THRB: variants seen among roughly 807,000 people sequenced by gnomAD.
The protein encoded by THRB is thyroid hormone receptor beta.
Under a neutral mutation model 47.8 loss-of-function variants are expected in THRB, and 12 were observed. That is an observed-to-expected ratio of 0.25 (90% CI 0.16 to 0.41). The LOEUF (loss-of-function observed/expected upper bound fraction) is 0.41. Ranked by LOEUF, THRB falls within the 10% of genes least tolerant of loss-of-function variation. The pLI is 1.00. For synonymous variants in THRB, 218 were observed against 212.2 expected, an observed-to-expected ratio of 1.03 and a Z score of -0.24; for missense variants, 348 against 589.2, an observed-to-expected ratio of 0.59 and a Z score of 4.24.
chr3:24,237,661 A>G (rs1378358095), intron 3 of THRB, among the ~76,000 whole-genome samples: 1 of 152,100 alleles, frequency 6.6e-6, no homozygotes, highest in Non-Finnish European at 1.5e-5. Context: ...CCATTCCTAA[A>G]ATGGGAATAA....
At chr3:24,434,617 T>C (rs894041293) in intron 1 of THRB, among the ~76,000 whole-genome samples, 10 of 152,214 alleles carry the variant, frequency 6.6e-5, no homozygotes, top group African/African-American at 1.9e-4. Context: ...GATGTTGTGA[T>C]AGAGACTCAG....
chr3:24,452,421 A>T (rs1048234516), intron 1 of THRB, among the ~76,000 whole-genome samples: 1 of 151,984 alleles, frequency 6.6e-6, no homozygotes, highest in African/African-American at 2.4e-5. Flanking sequence ...GGGTAGATTT[A>T]AGCAGGCTGG....
intron 3 of THRB, among the ~76,000 whole-genome samples, chr3:24,276,815 G>C (rs2053964663): frequency 6.6e-6 from 1 of 152,250 alleles, no homozygotes; most frequent in African/African-American, 2.4e-5. Flanking sequence ...AGTCGTATGT[G>C]CTCAGGGAAG....
At chr3:24,326,074 T>C (rs916685005) in intron 2 of THRB, among the ~76,000 whole-genome samples, 9 of 152,180 alleles carry the variant, frequency 5.9e-5, no homozygotes, top group Non-Finnish European at 8.8e-5. Flanking sequence ...CAATCCACCA[T>C]CATCTTTTGC....
intron 1 of THRB, among the ~76,000 whole-genome samples, chr3:24,358,500 T>C (rs1215774631): frequency 2.6e-5 from 4 of 152,304 alleles, no homozygotes; most frequent in South Asian, 2.1e-4. Context: ...AAATAGCCCA[T>C]TGACCCAACA....
At chr3:24,443,084 A>T (rs1180100500) in intron 1 of THRB, among the ~76,000 whole-genome samples, 1 of 151,952 alleles carries the variant, frequency 6.6e-6, no homozygotes, top group Admixed American at 6.6e-5. Flanking sequence ...TGGGAGGCTG[A>T]GGCAGGAGAA....
intron 4 of THRB, among the ~76,000 whole-genome samples, chr3:24,224,237 A>G (rs1026249056): frequency 2.3e-4 from 35 of 152,298 alleles, no homozygotes; most frequent in South Asian, 1.2e-3. Flanking sequence ...TATATTCATC[A>G]TGTCAATATG....
chr3:24,308,770 T>A (rs536051614), intron 2 of THRB, among the ~76,000 whole-genome samples: 1 of 152,328 alleles, frequency 6.6e-6, no homozygotes, highest in Admixed American at 6.5e-5. Context: ...TGAATATGTT[T>A]TCTTTCTATA....
intron 1 of THRB, among the ~76,000 whole-genome samples, chr3:24,460,986 G>C (rs1023058927): frequency 7.9e-5 from 12 of 152,158 alleles, no homozygotes; most frequent in Non-Finnish European, 1.0e-4. Flanking sequence ...CAATTGTAGG[G>C]GTTTGCAGGC....
intron 2 of THRB, among the ~76,000 whole-genome samples, chr3:24,320,456 G>T (rs1576812802): frequency 6.6e-6 from 1 of 152,110 alleles, no homozygotes. Context: ...GACTGTCCTT[G>T]TTCTGAATGT....
At chr3:24,201,472 A>G (rs568624996) in intron 4 of THRB, among the ~76,000 whole-genome samples, 1 of 152,218 alleles carries the variant, frequency 6.6e-6, no homozygotes, top group Non-Finnish European at 1.5e-5. Flanking sequence ...GGTGAATCAC[A>G]ATCTGCATTT....
chr3:24,212,485 G>A (rs953788910), intron 4 of THRB, among the ~76,000 whole-genome samples: 3 of 143,126 alleles, frequency 2.1e-5, no homozygotes, highest in Non-Finnish European at 4.5e-5. Flanking sequence ...CGGAGGCTGA[G>A]GAAAATCACT....
intron 1 of THRB, among the ~76,000 whole-genome samples, chr3:24,434,010 C>T (rs2070704747): frequency 7.1e-6 from 1 of 140,000 alleles, no homozygotes; most frequent in Admixed American, 7.2e-5. Flanking sequence ...CCAATAAATG[C>T]TTTCTAAGTC....
At chr3:24,339,584 A>G (rs12493795) in intron 1 of THRB, among the ~76,000 whole-genome samples, 95 of 152,314 alleles carry the variant, frequency 6.2e-4, no homozygotes, top group Non-Finnish European at 1.2e-3. Flanking sequence ...GTGGTTTCCA[A>G]CTTTTGCTAT....
chr3:24,316,811 A>T (rs1014046311), intron 2 of THRB, among the ~76,000 whole-genome samples: 2 of 151,918 alleles, frequency 1.3e-5, no homozygotes, highest in African/African-American at 4.8e-5. Flanking sequence ...ACCTTAAAAC[A>T]TCCTCCACCC....
chr3:24,320,141 G>A (rs1218323130), intron 2 of THRB, among the ~76,000 whole-genome samples: 1 of 152,200 alleles, frequency 6.6e-6, no homozygotes, highest in African/African-American at 2.4e-5. Context: ...CCTCCGAAGA[G>A]TGTAAGCATA....
chr3:24,135,429 G>A (rs1210833567), intron 8 of THRB, among the ~76,000 whole-genome samples: 1 of 152,016 alleles, frequency 6.6e-6, no homozygotes, highest in Admixed American at 6.6e-5. Flanking sequence ...TTTTTTGTGT[G>A]TGTTGCTGGC....
intron 3 of THRB, among the ~76,000 whole-genome samples, chr3:24,241,710 T>C (rs906152526): frequency 1.1e-4 from 17 of 152,138 alleles, no homozygotes; most frequent in Non-Finnish European, 4.4e-5. Context: ...TGCCTGCCCC[T>C]TGTACTTATT....
At chr3:24,481,846 A>T (rs1017706631) in intron 1 of THRB, among the ~76,000 whole-genome samples, 2 of 152,068 alleles carry the variant, frequency 1.3e-5, no homozygotes, top group Non-Finnish European at 2.9e-5. Context: ...ATAAAAAAAA[A>T]AAAAAAAAAT....
Sources: allele counts gnomAD v4.1 joint callset (sites outside exome capture counted in the v4.1 genomes callset), GRCh38; gene constraint gnomAD v4.1.1; transcripts MANE v1.5; gene names NCBI Gene and HGNC (gene_info 2026-07-23, HGNC 2026-07-21).